ACER1: variants seen among roughly 807,000 people sequenced by gnomAD.
ACER1 encodes the protein alkaline ceramidase 1, also known as CTB-180A7.3.
ACER1 carries 28 observed loss-of-function variants against 24.9 expected under a neutral mutation model. That is an observed-to-expected ratio of 1.13 (90% CI 0.83 to 1.54). The LOEUF (loss-of-function observed/expected upper bound fraction) is 1.54, where lower values mean the gene tolerates loss of function less well. Ranked by LOEUF, ACER1 falls within the 40% of genes most tolerant of loss-of-function variation. The pLI, the probability that ACER1 is intolerant of heterozygous loss-of-function variation, is 0.00. For synonymous variants in ACER1, 132 were observed against 131.4 expected (o/e 1.00, Z -0.03); for missense variants, 352 against 349.3 (o/e 1.01, Z -0.06).
chr19:6,335,019 ATATAATTATT>A (rs886526935), upstream of ACER1, among the ~76,000 whole-genome samples: 1 of 132,932 alleles, frequency 7.5e-6, no homozygotes, highest in Non-Finnish European at 1.6e-5. Flanking sequence ...AACAATAATA[ATATAATTATT>A]TATTATATAA....
At chr19:6,320,549 G>C (rs1034301795) in intron 1 of ACER1, among the ~76,000 whole-genome samples, 1 of 152,050 alleles carries the variant, frequency 6.6e-6, no homozygotes, top group Non-Finnish European at 1.5e-5. Context: ...CTGACCTCAG[G>C]TTATCCGCCT....
chr19:6,338,262 G>A (rs1037863856), upstream of ACER1, among the ~76,000 whole-genome samples: 16 of 152,154 alleles, frequency 1.1e-4, no homozygotes, highest in African/African-American at 3.9e-4. Context: ...AAGTTGCTGG[G>A]AGTACAGGTA....
chr19:6,311,233 T>C (rs1396113831), intron 3 of ACER1, among the ~76,000 whole-genome samples: 1 of 144,560 alleles, frequency 6.9e-6, no homozygotes, highest in Non-Finnish European at 1.5e-5. Flanking sequence ...GCTGGGGGGG[T>C]CCTGGAGGGC....
In ACER1 at chr19:6,317,791, A is replaced by G. The variant is rs188012914; in HGVS notation, c.94-5292T>C. On this transcript the variant is annotated intron_variant, in intron 1 of 5. Transcript: ENST00000301452. ...TCTTTTTGAGACAGAGTCTTGCTCT[A>G]TCACCCAGGCTGGAATCCAGTGGGG... Among the ~76,000 whole-genome samples the G allele has an allele frequency of 1.1e-4, 16 of 151,754 alleles. No homozygotes were observed. In the East Asian group the frequency reaches 2.1e-3, roughly 20 times the overall value.
the ACER1 span, among the ~76,000 whole-genome samples, chr19:6,340,032 T>G: frequency 6.6e-6 from 1 of 151,338 alleles, no homozygotes; most frequent in Non-Finnish European, 1.5e-5. Context: ...TCCCAGCATT[T>G]TGGGAGACTG....
chr19:6,353,340 AAG>A, the ACER1 span: 1 of 152,126 alleles, frequency 6.6e-6, no homozygotes, highest in Admixed American at 6.6e-5. Flanking sequence ...TCAAAAAAAA[AAG>A]GAGACAAACT....
the ACER1 span, among the ~76,000 whole-genome samples, chr19:6,355,105 G>A: frequency 2.6e-5 from 4 of 152,210 alleles, no homozygotes; most frequent in Non-Finnish European, 5.9e-5. Context: ...GATTGCAGAC[G>A]GAGTCTGGTT....
the ACER1 span, among the ~76,000 whole-genome samples, chr19:6,358,296 C>G: frequency 1.6e-4 from 25 of 152,206 alleles, no homozygotes; most frequent in South Asian, 5.0e-3. Context: ...GCGCTGGCTG[C>G]CATGTGGGCT....
chr19:6,359,019 T>C, the ACER1 span, among the ~76,000 whole-genome samples: 1 of 151,232 alleles, frequency 6.6e-6, no homozygotes, highest in African/African-American at 2.4e-5. Context: ...ATCACTTAAG[T>C]CCAGGAGTTC....
At chr19:6,356,913 T>G in the ACER1 span, among the ~76,000 whole-genome samples, 1 of 151,886 alleles carries the variant, frequency 6.6e-6, no homozygotes, top group African/African-American at 2.4e-5. Context: ...ACAAATGAAT[T>G]AATGCAATTG....
At chr19:6,347,894 T>C in the ACER1 span, among the ~76,000 whole-genome samples, 1 of 150,570 alleles carries the variant, frequency 6.6e-6, no homozygotes, top group Non-Finnish European at 1.5e-5. Context: ...AGTGTCCTTA[T>C]AAAAAGGGAA....
chr19:6,356,826 G>A, the ACER1 span, among the ~76,000 whole-genome samples: 2 of 152,070 alleles, frequency 1.3e-5, no homozygotes, highest in African/African-American at 4.8e-5. Context: ...CCTGAGTCCA[G>A]AAGTATGAGG....
chr19:6,308,469 T>C (rs1600233319), intron 4 of ACER1, among the ~76,000 whole-genome samples: 1 of 148,372 alleles, frequency 6.7e-6, no homozygotes, highest in Non-Finnish European at 1.5e-5. Flanking sequence ...ATTAACTCAG[T>C]CCTCACAAGG....
rs145319202 is a variant in ACER1, at chr19:6,312,806, G to C, written c.94-307C>G. Among the ~76,000 whole-genome samples, 301 of 151,888 alleles carry C rather than the reference G, an allele frequency of 2.0e-3. 1 individual carries two copies. The highest frequency in any genetic ancestry group is 6.9e-3 in the African/African-American group (286 of 41,396). ...TTCTCCTGTCTCAGACTCCCGAGTA[G>C]CTGGGATTAAAGGCACGTGCCACCA... On this transcript the variant is annotated intron_variant, in intron 1 of 5. Coordinates refer to ENST00000301452, the MANE Select transcript of ACER1 (RefSeq NM_133492.3).
At chr19:6,328,863 T>C (rs2091674337) in intron 1 of ACER1, among the ~76,000 whole-genome samples, 1 of 151,246 alleles carries the variant, frequency 6.6e-6, no homozygotes, top group Non-Finnish European at 1.5e-5. Flanking sequence ...TTGATAGAGA[T>C]GGGGTTTCAT....
intron 1 of ACER1, among the ~76,000 whole-genome samples, chr19:6,331,079 C>G (rs2091684423): frequency 6.7e-6 from 1 of 149,556 alleles, no homozygotes; most frequent in Admixed American, 6.6e-5. Context: ...CATCTAACTC[C>G]CCATGTCACT....
intron 5 of ACER1, 78 bp downstream of exon 5, chr19:6,307,075 C>A (rs995986437): frequency 2.5e-6 from 4 of 1,584,090 alleles, no homozygotes; most frequent in Non-Finnish European, 3.4e-6. Context: ...AACCCCAGCC[C>A]CCAGGTGCCT....
intron 1 of ACER1, among the ~76,000 whole-genome samples, chr19:6,332,961 G>A (rs1010846707): frequency 1.3e-5 from 2 of 152,144 alleles, no homozygotes; most frequent in East Asian, 1.9e-4. Flanking sequence ...GAGCCACCGC[G>A]CCCAGCCAAG....
upstream of ACER1, among the ~76,000 whole-genome samples, chr19:6,336,943 A>T (rs1159381713): frequency 6.6e-6 from 1 of 151,972 alleles, no homozygotes; most frequent in East Asian, 1.9e-4. Flanking sequence ...TGGGAGGCTG[A>T]GGCAGGTGGA....
Sources: gnomAD v4.1 joint callset for allele counts (sites outside exome capture counted in the v4.1 genomes callset) on GRCh38, gnomAD v4.1.1 for gene constraint, MANE v1.5 for transcripts, NCBI Gene and HGNC (gene_info 2026-07-23, HGNC 2026-07-21) for gene names.